The following HTR2A variants were observed in gnomAD, a reference collection of about 807,000 sequenced individuals.
HTR2A encodes the protein 5-HT2 receptor.
Under a neutral mutation model 31.0 loss-of-function variants are expected in HTR2A, and 14 were observed. The observed-to-expected ratio is 0.45, with a 90% CI of 0.30 to 0.71. HTR2A has a LOEUF of 0.71. Among genes scored for constraint, HTR2A ranks in the 30% least tolerant of loss-of-function variants. The pLI is 0.09. For synonymous variants in HTR2A, 209 were observed against 225.2 expected (o/e 0.93, Z 0.64); for missense variants, 442 against 573.3 (o/e 0.77, Z 2.34).
chr13:46,849,501 C>T (rs1352144546), intron 3 of HTR2A, among the ~76,000 whole-genome samples: 2 of 152,136 alleles, frequency 1.3e-5, no homozygotes, highest in Non-Finnish European at 2.9e-5. Flanking sequence ...CTGCTGACCT[C>T]TCCTTCCCCC....
intron 3 of HTR2A, among the ~76,000 whole-genome samples, chr13:46,842,486 G>A (rs184072115): frequency 6.6e-6 from 1 of 152,034 alleles, no homozygotes; most frequent in Non-Finnish European, 1.5e-5. Flanking sequence ...GCTAGATTGC[G>A]GCAGGTGCGC....
At chr13:46,838,987 C>G (rs1468465489) in intron 3 of HTR2A, among the ~76,000 whole-genome samples, 3 of 151,666 alleles carry the variant, frequency 2.0e-5, no homozygotes, top group Non-Finnish European at 4.4e-5. Flanking sequence ...TACACACACA[C>G]ACACACACAC....
chr13:46,869,567 C>T (rs1950848454), intron 3 of HTR2A, among the ~76,000 whole-genome samples: 1 of 152,082 alleles, frequency 6.6e-6, no homozygotes, highest in African/African-American at 2.4e-5. Context: ...AGTAATTCCA[C>T]TCCTAGGTAT....
In HTR2A at chr13:46,892,465, G is replaced by A; in HGVS notation, c.538C>T (p.Pro180Ser). The change falls in exon 3 of 4, where the codon CCC (proline) becomes TCC (serine). Residue 180 changes from proline (P) to serine (S), a missense_variant. Transcript: ENST00000542664. ...SLDRYVAIQNPIHHSRFNSRT... is the reference protein window; with the variant it reads ...SLDRYVAIQNSIHHSRFNSRT... Reference sequence around the variant, plus strand: ...GAGTTGAAGCGGCTGTGGTGGATGGGATTCTGGATGGCGACGTAGCGGTCC... The same window carrying A: ...GAGTTGAAGCGGCTGTGGTGGATGGAATTCTGGATGGCGACGTAGCGGTCC... The A allele has an allele frequency of 6.2e-7, 1 of 1,614,250 alleles. No individual in the cohort carries two copies. Among genetic ancestry groups the A allele is most frequent in the Non-Finnish European group, 8.5e-7 (1 of 1,180,048 alleles).
chr13:46,874,887 T>G (rs1373404481), intron 3 of HTR2A, among the ~76,000 whole-genome samples: 1 of 152,236 alleles, frequency 6.6e-6, no homozygotes, highest in Non-Finnish European at 1.5e-5. Context: ...GTGGAAATAG[T>G]AGACTTAAAA....
intron 3 of HTR2A, among the ~76,000 whole-genome samples, chr13:46,849,430 A>G (rs7330461): frequency 6.6e-6 from 1 of 151,846 alleles, no homozygotes; most frequent in Admixed American, 6.6e-5. Context: ...GAGACCCCGC[A>G]CTGCACTGAG....
chr13:46,896,486 G>A (rs1257570774), intron 1 of HTR2A, among the ~76,000 whole-genome samples, 188 bp downstream of exon 1: 1 of 152,206 alleles, frequency 6.6e-6, no homozygotes, highest in Non-Finnish European at 1.5e-5. Flanking sequence ...CACAGCTGCT[G>A]TCAGGAATTT....
chr13:46,860,057 C>T (rs1400785477), intron 3 of HTR2A, among the ~76,000 whole-genome samples: 3 of 152,102 alleles, frequency 2.0e-5, no homozygotes, highest in African/African-American at 7.2e-5. Context: ...CCTGGAAGTC[C>T]CCCAGCCCTT....
intron 3 of HTR2A, among the ~76,000 whole-genome samples, chr13:46,869,662 C>T (rs1950849336): frequency 6.6e-6 from 1 of 151,926 alleles, no homozygotes; most frequent in East Asian, 1.9e-4. Context: ...AGCAGAAATC[C>T]ACATATCCAT....
At chr13:46,865,377 A>C (rs1274901409) in intron 3 of HTR2A, among the ~76,000 whole-genome samples, 1 of 152,218 alleles carries the variant, frequency 6.6e-6, no homozygotes, top group Non-Finnish European at 1.5e-5. Context: ...CAAAAAATAA[A>C]ATATTACATG....
Position 46,875,063 on chromosome 13 carries a change from C to T in HTR2A, c.613+17327G>A, listed in dbSNP as rs150708557. ...AAAATAAAGAACACCCCTGAGTAGA[C>T]AGACCTTTGATTTCTGTAGCAACTG... On this transcript the variant is annotated intron_variant, in intron 3 of 3. Transcript: ENST00000542664. Among the ~76,000 whole-genome samples the T allele has an allele frequency of 3.3e-5, 5 of 152,332 alleles. No homozygotes were observed. The East Asian group carries it at 5.8e-4, about 18-fold the overall frequency.
intron 3 of HTR2A, among the ~76,000 whole-genome samples, chr13:46,882,832 T>C (rs1644985190): frequency 6.6e-6 from 1 of 152,238 alleles, no homozygotes; most frequent in African/African-American, 2.4e-5. Context: ...TTAGCATCTA[T>C]TTTCTTTTCT....
intron 3 of HTR2A, among the ~76,000 whole-genome samples, chr13:46,858,454 A>G (rs1173047397): frequency 6.6e-6 from 1 of 152,128 alleles, no homozygotes; most frequent in African/African-American, 2.4e-5. Flanking sequence ...AGGGCTGTGG[A>G]TGGAAGGCAG....
At chr13:46,838,789 T>C (rs1950577195) in intron 3 of HTR2A, among the ~76,000 whole-genome samples, 1 of 152,194 alleles carries the variant, frequency 6.6e-6, no homozygotes, top group East Asian at 1.9e-4. Flanking sequence ...GATTTTGTTA[T>C]TAAACTCTTG....
At chr13:46,839,529 T>C (rs1223262829) in intron 3 of HTR2A, among the ~76,000 whole-genome samples, 1 of 152,218 alleles carries the variant, frequency 6.6e-6, no homozygotes, top group African/African-American at 2.4e-5. Flanking sequence ...TAGCTGCTTT[T>C]GGAGACCTGA....
chr13:46,890,006 A>G (rs1228370948), intron 3 of HTR2A, among the ~76,000 whole-genome samples: 4 of 152,004 alleles, frequency 2.6e-5, no homozygotes, highest in Non-Finnish European at 4.4e-5. Flanking sequence ...TATCTTTTTC[A>G]TCTTGGTCTA....
At chr13:46,894,331 C>T (rs2138258409) in intron 2 of HTR2A, among the ~76,000 whole-genome samples, 1 of 152,304 alleles carries the variant, frequency 6.6e-6, no homozygotes, top group East Asian at 1.9e-4. Flanking sequence ...ACTCCTCCTA[C>T]CCCCACTGGA....
chr13:46,857,297 T>TA (rs34073547), intron 3 of HTR2A, among the ~76,000 whole-genome samples: 11,460 of 133,484 alleles, frequency 0.086, 605 homozygotes, highest in African/African-American at 0.15. Context: ...GACTCCATCT[T>TA]AAAAAAAAAA....
intron 3 of HTR2A, among the ~76,000 whole-genome samples, chr13:46,876,401 TA>T (rs1950912211): frequency 0.019 from 1,634 of 85,546 alleles, 10 homozygotes; most frequent in East Asian, 0.031. Context: ...TATATATATA[TA>T]TATTTTTTTT....
Sources: allele counts gnomAD v4.1 joint callset (sites outside exome capture counted in the v4.1 genomes callset), GRCh38; gene constraint gnomAD v4.1.1; transcripts MANE v1.5; gene names NCBI Gene and HGNC (gene_info 2026-07-23, HGNC 2026-07-21).